NCKAP5: variants seen among roughly 807,000 people sequenced by gnomAD.
NCKAP5 encodes the protein NCK associated protein 5, also known as nck-associated protein 5.
Under a neutral mutation model 167.0 loss-of-function variants are expected in NCKAP5, and 92 were observed. The observed-to-expected ratio is 0.55, with a 90% confidence interval of 0.47 to 0.66. The LOEUF is 0.66. Ranked by LOEUF, NCKAP5 falls within the 30% of genes least tolerant of loss-of-function variation. The pLI is 0.00. For synonymous variants in NCKAP5, 891 were observed against 877.4 expected (o/e 1.02, Z -0.27); for missense variants, 2,378 against 2,315.0 (o/e 1.03, Z -0.56).
At chr2:132,737,912 A>G (rs1032628820) in intron 16 of NCKAP5, among the ~76,000 whole-genome samples, 2 of 152,200 alleles carry the variant, frequency 1.3e-5, no homozygotes, top group Non-Finnish European at 2.9e-5. Flanking sequence ...ACAGAATGGT[A>G]ATTATACTTC....
intron 16 of NCKAP5, among the ~76,000 whole-genome samples, chr2:132,754,993 C>A (rs192937719): frequency 3.1e-4 from 47 of 152,300 alleles, no homozygotes; most frequent in African/African-American, 8.7e-4. Flanking sequence ...AGCACAATGC[C>A]TGGAATGAAG....
chr2:132,986,195 T>C (rs141471482), intron 7 of NCKAP5, among the ~76,000 whole-genome samples: 163 of 152,304 alleles, frequency 1.1e-3, no homozygotes, highest in African/African-American at 3.7e-3. Context: ...AGGTGTTGTG[T>C]GTATAAAAAT....
chr2:133,005,821 T>G (rs1030723961), intron 6 of NCKAP5, among the ~76,000 whole-genome samples: 6 of 152,218 alleles, frequency 3.9e-5, no homozygotes, highest in Admixed American at 3.3e-4. Context: ...GGATACACCT[T>G]AAATTCTAAT....
chr2:133,549,204 T>A (rs1409496541), intron 2 of NCKAP5, among the ~76,000 whole-genome samples: 3 of 151,692 alleles, frequency 2.0e-5, no homozygotes, highest in Non-Finnish European at 4.4e-5. Context: ...ATGCACCCAA[T>A]ACAGGAGCAC....
chr2:133,596,617 C>T, the NCKAP5 span, among the ~76,000 whole-genome samples: 6 of 152,058 alleles, frequency 3.9e-5, no homozygotes, highest in African/African-American at 7.2e-5. Flanking sequence ...CATGAATGAG[C>T]GAACAGAATG....
At position 132,994,315 on chromosome 2, in the gene NCKAP5, A is replaced by G. The variant is rs1243559381; in HGVS notation, c.342-76T>C. 5.0e-6 allele frequency: 5 copies of G among 997,192 alleles called. No individual in the cohort carries two copies. In the Admixed American group the frequency reaches 9.8e-5, roughly 19 times the overall value. 61.8% of individuals were successfully genotyped at this position (997,192 alleles called of 1,614,324 possible). Reference sequence around the variant, plus strand: ...CGGATCCACTCGAGTTGTAGAAATCACTCTTCTATGCGTATTTCCCAAGCT... The same window carrying G: ...CGGATCCACTCGAGTTGTAGAAATCGCTCTTCTATGCGTATTTCCCAAGCT... On this transcript the variant is annotated intron_variant, in intron 6 of 19. Transcript: ENST00000409261.
At chr2:133,447,760 A>G (rs901011536) in intron 3 of NCKAP5, among the ~76,000 whole-genome samples, 5 of 152,106 alleles carry the variant, frequency 3.3e-5, no homozygotes, top group African/African-American at 7.2e-5. Flanking sequence ...TGCTGGGATT[A>G]CAGGTGTAAG....
At chr2:132,702,396 G>A (rs977010632) in intron 19 of NCKAP5, among the ~76,000 whole-genome samples, 1 of 152,102 alleles carries the variant, frequency 6.6e-6, no homozygotes, top group Non-Finnish European at 1.5e-5. Flanking sequence ...TAGGTGATCA[G>A]TTGGCTTAGG....
chr2:133,271,765 T>C (rs2150415524), intron 4 of NCKAP5, among the ~76,000 whole-genome samples: 1 of 152,308 alleles, frequency 6.6e-6, no homozygotes, highest in Middle Eastern at 3.4e-3. Flanking sequence ...ATAAGACTGG[T>C]ATTAGCTGAT....
intron 13 of NCKAP5, 125 bp downstream of exon 13, chr2:132,789,898 C>CATG (rs1260771879): frequency 2.5e-5 from 20 of 802,704 alleles, no homozygotes; most frequent in Non-Finnish European, 3.7e-5. Context: ...CAGTATAATA[C>CATG]ATGAGCAGGT....
At chr2:132,856,386 AAAT>A (rs1271179368) in intron 11 of NCKAP5, among the ~76,000 whole-genome samples, 1 of 152,100 alleles carries the variant, frequency 6.6e-6, no homozygotes, top group African/African-American at 2.4e-5. Context: ...ATCTTACTGG[AAAT>A]AATGATATAA....
intron 6 of NCKAP5, among the ~76,000 whole-genome samples, chr2:133,000,873 C>G (rs1453253190): frequency 6.6e-6 from 1 of 152,126 alleles, no homozygotes; most frequent in Non-Finnish European, 1.5e-5. Flanking sequence ...AGAAGCCACA[C>G]ACAAAAGACA....
At chr2:133,182,169 C>T (rs2084766601) in intron 5 of NCKAP5, among the ~76,000 whole-genome samples, 1 of 152,174 alleles carries the variant, frequency 6.6e-6, no homozygotes, top group African/African-American at 2.4e-5. Flanking sequence ...TAGACTTCAA[C>T]ACTCTTCTCC....
chr2:133,064,669 A>G (rs768377244), intron 6 of NCKAP5, among the ~76,000 whole-genome samples: 7 of 152,232 alleles, frequency 4.6e-5, no homozygotes, highest in Non-Finnish European at 7.3e-5. Context: ...GTTACTGTCC[A>G]TCGTTGCTCT....
intron 3 of NCKAP5, among the ~76,000 whole-genome samples, chr2:133,305,827 T>A (rs145044210): frequency 1.2e-3 from 177 of 152,350 alleles, no homozygotes; most frequent in African/African-American, 4.1e-3. Flanking sequence ...TTCAGCTTTA[T>A]TTTTTCTCTA....
chr2:132,885,957 C>CTTAT (rs527723523), intron 8 of NCKAP5, among the ~76,000 whole-genome samples: 415 of 152,296 alleles, frequency 2.7e-3, no homozygotes, highest in African/African-American at 9.6e-3. Context: ...CTTCCATGAC[C>CTTAT]TTATATATCT....
intron 7 of NCKAP5, among the ~76,000 whole-genome samples, chr2:132,984,081 A>ACC (rs1184832301): frequency 4.6e-5 from 7 of 151,618 alleles, no homozygotes; most frequent in African/African-American, 1.4e-4. Flanking sequence ...ACATAGTGAG[A>ACC]CTCTCTCTCT....
Position 132,721,491 on chromosome 2 carries a change from C to T in NCKAP5, c.5713+4136G>A, listed in dbSNP as rs150795878. Among the ~76,000 whole-genome samples the T allele has an allele frequency of 1.1e-4, 16 of 152,158 alleles. No homozygotes were observed. The East Asian group carries it at 2.1e-3, about 20-fold the overall frequency. On this transcript the variant is annotated intron_variant, in intron 19 of 19. Coordinates refer to ENST00000409261, the MANE Select transcript of NCKAP5 (RefSeq NM_207363.3). ...TTCAAAAGGGACTCCAGGGGTGGGA[C>T]GGCCAATCTCCTTTTCACAGGCACG...
At chr2:133,082,005 A>T (rs1364994558) in intron 6 of NCKAP5, among the ~76,000 whole-genome samples, 3 of 152,044 alleles carry the variant, frequency 2.0e-5, no homozygotes, top group Non-Finnish European at 2.9e-5. Flanking sequence ...ATAGTACTTG[A>T]TAGGTGGTTT....
Sources: allele counts gnomAD v4.1 joint callset (sites outside exome capture counted in the v4.1 genomes callset), GRCh38; gene constraint gnomAD v4.1.1; transcripts MANE v1.5; gene names NCBI Gene and HGNC (gene_info 2026-07-23, HGNC 2026-07-21).